The following AGPAT4 variants were observed in gnomAD, a reference collection of about 807,000 sequenced individuals.
AGPAT4 encodes 1-acylglycerol-3-phosphate O-acyltransferase 4.
A neutral mutation model predicts 48.0 loss-of-function variants in AGPAT4; 15 were observed. That is an observed-to-expected ratio of 0.31 (90% CI 0.21 to 0.48). The LOEUF is 0.48. AGPAT4 is among the 20% of genes least tolerant of loss of function. AGPAT4 has a pLI of 0.99. For synonymous variants in AGPAT4, 178 were observed against 198.7 expected (o/e 0.90, Z 0.88); for missense variants, 314 against 482.5 (o/e 0.65, Z 3.27).
intron 2 of AGPAT4, among the ~76,000 whole-genome samples, chr6:161,190,139 A>T (rs1468631442): frequency 1.3e-5 from 2 of 152,224 alleles, no homozygotes; most frequent in Non-Finnish European, 2.9e-5. Context: ...GAAGGGAGGG[A>T]TGAATAAGGA....
In AGPAT4 at chr6:161,161,897, G is replaced by A. The variant is rs2114975317; in HGVS notation, c.348+4351C>T. 1 of 208,320 alleles carries A rather than the reference G, an allele frequency of 4.8e-6. No individual in the cohort carries two copies. The allele number at this position is 208,320 out of a possible 1,614,324, so 12.9% of individuals were successfully genotyped here. ...TCACGCACAGGCACTCTGCCTAGGAGGGATAATGCCACTCTCCTCCTCTCA... is the reference window on the plus strand; with the variant it reads ...TCACGCACAGGCACTCTGCCTAGGAAGGATAATGCCACTCTCCTCCTCTCA... On this transcript the variant is annotated intron_variant, in intron 3 of 8. Transcript: ENST00000320285. The surrounding 1 kb of genome is among the most constrained non-coding windows in gnomAD (Gnocchi z 4.6).
In AGPAT4 at chr6:161,130,127, G is replaced by A. The variant is rs1186810268; in HGVS notation, c.*6413C>T. ...CATGACAGAGCGACAGTACCCTAGGGTGACATGACAGCCCATATATCAGTT... is the reference window on the plus strand; with the variant it reads ...CATGACAGAGCGACAGTACCCTAGGATGACATGACAGCCCATATATCAGTT... On this transcript the variant is annotated 3_prime_UTR_variant, in exon 9 of 9. Transcript: ENST00000320285. 1 of 152,124 alleles carries A rather than the reference G, an allele frequency of 6.6e-6. No homozygotes were observed. The highest frequency in any genetic ancestry group is 1.5e-5 in the Non-Finnish European group (1 of 68,058). 9.4% of individuals were successfully genotyped at this position (152,124 alleles called of 1,614,324 possible).
Position 161,235,167 on chromosome 6 carries a change from G to A in AGPAT4, c.-89-2865C>T, listed in dbSNP as rs1005905987. Among the ~76,000 whole-genome samples the A allele has an allele frequency of 2.0e-5, 3 of 152,072 alleles. No homozygotes were observed. The highest frequency in any genetic ancestry group is 4.4e-5 in the Non-Finnish European group (3 of 68,012). On this transcript the variant is annotated intron_variant, in intron 1 of 8. Coordinates refer to ENST00000320285, the MANE Select transcript of AGPAT4 (RefSeq NM_020133.3). This position sits in a 1 kb window ranked among gnomAD's most constrained non-coding sequence, Gnocchi z 6.2. Reference sequence around the variant, plus strand: ...CTCTGCCCTGTCTCTTATTAGTTGTGTATTGGTACCCTATTTTGGGCACAT... The same window carrying A: ...CTCTGCCCTGTCTCTTATTAGTTGTATATTGGTACCCTATTTTGGGCACAT...
In AGPAT4 at chr6:161,249,321, T is replaced by C. The variant is rs542563076; in HGVS notation, c.-89-17019A>G. 7.8e-4 allele frequency among the ~76,000 whole-genome samples: 119 copies of C among 152,206 alleles called. No homozygotes were observed. The highest frequency in any genetic ancestry group is 8.5e-4 in the Non-Finnish European group (58 of 67,984). ...AAAGCAAAAATTGACAAATGGGATG[T>C]AATTAAACTAAAGAGCTTCTACACA... On this transcript the variant is annotated intron_variant, in intron 1 of 8. Coordinates refer to ENST00000320285, the MANE Select transcript of AGPAT4 (RefSeq NM_020133.3). The surrounding 1 kb of genome is among the most constrained non-coding windows in gnomAD (Gnocchi z 6.2).
rs1447474290 is a variant in AGPAT4, at chr6:161,231,461, T to C, written c.178+575A>G. Among the ~76,000 whole-genome samples the C allele has an allele frequency of 6.6e-6, 1 of 151,546 alleles. No homozygotes were observed. The highest frequency in any genetic ancestry group is 1.5e-5 in the Non-Finnish European group (1 of 68,046). ...CAATGTCAATTTTCTCATTGGAATA[T>C]GCTATTCCAGTGGTGCAAGATGCTA... On this transcript the variant is annotated intron_variant, in intron 2 of 8. Coordinates refer to ENST00000320285, the MANE Select transcript of AGPAT4 (RefSeq NM_020133.3). The surrounding 1 kb of genome is among the most constrained non-coding windows in gnomAD (Gnocchi z 5.3).
rs1255489542 is a variant in AGPAT4, at chr6:161,140,810, T to C, written c.844-1190A>G. On this transcript the variant is annotated intron_variant, in intron 7 of 8. Transcript: ENST00000320285. This position sits in a 1 kb window ranked among gnomAD's most constrained non-coding sequence, Gnocchi z 6.5. ...GCCACAGGGAATTGCCCAGGTTGTA[T>C]GGTGGGCAGCTGCCTCAGCTATTGT... Among the ~76,000 whole-genome samples, 1 of 152,188 alleles carries C rather than the reference T, an allele frequency of 6.6e-6. No homozygotes were observed. The highest frequency in any genetic ancestry group is 1.5e-5 in the Non-Finnish European group (1 of 68,038).
rs1235652965 is a variant in AGPAT4, at chr6:161,214,223, C to G, written c.178+17813G>C. Among the ~76,000 whole-genome samples the G allele has an allele frequency of 6.6e-6, 1 of 152,160 alleles. No individual in the cohort carries two copies. Among genetic ancestry groups the G allele is most frequent in the African/African-American group, 2.4e-5 (1 of 41,440 alleles). The stretch of plus-strand genomic sequence containing the variant: ...ATGTTACATCTGTTGATTGATGTCT[C>G]GTGTCTCTCTAAAATGTATAAAACC... On this transcript the variant is annotated intron_variant, in intron 2 of 8. Transcript: ENST00000320285. This position sits in a 1 kb window ranked among gnomAD's most constrained non-coding sequence, Gnocchi z 5.4.
In AGPAT4 at chr6:161,211,660, T is replaced by C. The variant is rs117612826; in HGVS notation, c.178+20376A>G. Among the ~76,000 whole-genome samples the C allele has an allele frequency of 4.5e-3, 692 of 152,326 alleles. 3 individuals carry two copies. Among genetic ancestry groups the C allele is most frequent in the Non-Finnish European group, 7.6e-3 (519 of 68,012 alleles). ...AAACGTTTATATGATCAAGTTGTCATATTATTATTAAGTTTGGTTTACTTA... is the reference window on the plus strand; with the variant it reads ...AAACGTTTATATGATCAAGTTGTCACATTATTATTAAGTTTGGTTTACTTA... On this transcript the variant is annotated intron_variant, in intron 2 of 8. Coordinates refer to ENST00000320285, the MANE Select transcript of AGPAT4 (RefSeq NM_020133.3).
chr6:161,131,632 C>CA lies in AGPAT4; in HGVS notation c.*4907dup, dbSNP rs1204618192. On this transcript the variant is annotated 3_prime_UTR_variant, in exon 9 of 9. Transcript: ENST00000320285. ...GAGCTCAGGAGCCCATCCCTGTGCT[C>CA]AGAGAGATGGGACTCCAATGAGGAG... The CA allele has an allele frequency of 1.3e-5, 2 of 152,154 alleles. No homozygotes were observed. Among genetic ancestry groups the CA allele is most frequent in the Non-Finnish European group, 2.9e-5 (2 of 68,040 alleles). 9.4% of individuals were successfully genotyped at this position (152,154 alleles called of 1,614,324 possible).
chr6:161,227,588 G>A (rs946765443), intron 2 of AGPAT4, among the ~76,000 whole-genome samples: 1 of 152,184 alleles, frequency 6.6e-6, no homozygotes, highest in Non-Finnish European at 1.5e-5. Context: ...CCTTGCTGCC[G>A]CTGTTCCTGA....
chr6:161,137,016 T>C lies in AGPAT4; in HGVS notation c.1043-382A>G, dbSNP rs1779089352. The stretch of plus-strand genomic sequence containing the variant: ...ACAGGGCATGTTCAGCGAAGTTTTA[T>C]AAAGAACAGACCAGGAGCCTGGAAG... On this transcript the variant is annotated intron_variant, in intron 8 of 8. Coordinates refer to ENST00000320285, the MANE Select transcript of AGPAT4 (RefSeq NM_020133.3). This position sits in a 1 kb window ranked among gnomAD's most constrained non-coding sequence, Gnocchi z 6.1. Among the ~76,000 whole-genome samples the C allele has an allele frequency of 6.6e-6, 1 of 152,198 alleles. No homozygotes were observed.
In AGPAT4 at chr6:161,225,956, C is replaced by T. The variant is rs1047504810; in HGVS notation, c.178+6080G>A. On this transcript the variant is annotated intron_variant, in intron 2 of 8. Transcript: ENST00000320285. This position sits in a 1 kb window ranked among gnomAD's most constrained non-coding sequence, Gnocchi z 5.0. The stretch of plus-strand genomic sequence containing the variant: ...AAATTCCTTTCCATCCGACTTGACT[C>T]GCCAAAGCCACTGTTGTTCAGCTAC... Among the ~76,000 whole-genome samples the T allele has an allele frequency of 9.2e-5, 14 of 152,120 alleles. No homozygotes were observed. Among genetic ancestry groups the T allele is most frequent in the African/African-American group, 2.4e-4 (10 of 41,422 alleles).
In AGPAT4 at chr6:161,206,077, A is replaced by G. The variant is rs919407383; in HGVS notation, c.178+25959T>C. Among the ~76,000 whole-genome samples, 6 of 152,128 alleles carry G rather than the reference A, an allele frequency of 3.9e-5. No homozygotes were observed. The highest frequency in any genetic ancestry group is 8.8e-5 in the Non-Finnish European group (6 of 68,036). On this transcript the variant is annotated intron_variant, in intron 2 of 8. Coordinates refer to ENST00000320285, the MANE Select transcript of AGPAT4 (RefSeq NM_020133.3). This position sits in a 1 kb window ranked among gnomAD's most constrained non-coding sequence, Gnocchi z 4.8. Reference sequence around the variant, plus strand: ...TTTCAAGCCCGTGCGATGTAGACAAAAAAAGCCCCAAGAAAAGCCTGCTCC... The same window carrying G: ...TTTCAAGCCCGTGCGATGTAGACAAGAAAAGCCCCAAGAAAAGCCTGCTCC...
intron 3 of AGPAT4, chr6:161,160,858 C>T (rs1466398401): frequency 1.3e-5 from 5 of 387,810 alleles, no homozygotes; most frequent in African/African-American, 6.2e-5. Context: ...AGAGCAGAGG[C>T]GTTACAGGGG....
At chr6:161,168,133 G>C (rs576735471) in intron 2 of AGPAT4, among the ~76,000 whole-genome samples, 3 of 152,014 alleles carry the variant, frequency 2.0e-5, no homozygotes, top group Admixed American at 2.0e-4. Flanking sequence ...GTGGTGGGGT[G>C]GGGGGCTAGG....
In AGPAT4 at chr6:161,164,055, G is replaced by C. The variant is rs886397380; in HGVS notation, c.348+2193C>G. On this transcript the variant is annotated intron_variant, in intron 3 of 8. Transcript: ENST00000320285. The surrounding 1 kb of genome is among the most constrained non-coding windows in gnomAD (Gnocchi z 7.4). The stretch of plus-strand genomic sequence containing the variant: ...GGGGAGGTGCGGTCCCTATGCTGCA[G>C]GTGGGATGGGCGTGCTGTTGACTTG... 2.6e-5 allele frequency among the ~76,000 whole-genome samples: 4 copies of C among 152,208 alleles called. No individual in the cohort carries two copies. Among genetic ancestry groups the C allele is most frequent in the Non-Finnish European group, 5.9e-5 (4 of 68,038 alleles).
At chr6:161,199,263 C>T (rs1159968142) in intron 2 of AGPAT4, among the ~76,000 whole-genome samples, 1 of 152,212 alleles carries the variant, frequency 6.6e-6, no homozygotes, top group African/African-American at 2.4e-5. Flanking sequence ...CACATCTTGT[C>T]ATGCCCGCCC....
chr6:161,219,872 T>TAGATAGATAGATAGATAGGC lies in AGPAT4; in HGVS notation c.178+12163_178+12164insGCCTATCTATCTATCTATCT, dbSNP rs1375144242. Among the ~76,000 whole-genome samples the TAGATAGATAGATAGATAGGC allele has an allele frequency of 6.6e-5, 8 of 121,230 alleles. No homozygotes were observed. The highest frequency in any genetic ancestry group is 2.4e-4 in the East Asian group (1 of 4,212). 79.5% of individuals were successfully genotyped at this position (121,230 alleles called of 152,430 possible). A position where few individuals can be genotyped will look rare whatever the true frequency, so the allele number is the denominator to read the frequency against. ...ATAGATAGATAGATAGATAGATAGA[T>TAGATAGATAGATAGATAGGC]AGGCAGGCAGGCAGGCAGGCAGGCA... On this transcript the variant is annotated intron_variant, in intron 2 of 8. Coordinates refer to ENST00000320285, the MANE Select transcript of AGPAT4 (RefSeq NM_020133.3). This position sits in a 1 kb window ranked among gnomAD's most constrained non-coding sequence, Gnocchi z 4.9.
rs1397389868 is a variant in AGPAT4, at chr6:161,234,633, T to C, written c.-89-2331A>G. 6.6e-6 allele frequency among the ~76,000 whole-genome samples: 1 copy of C among 152,162 alleles called. No individual in the cohort carries two copies. The highest frequency in any genetic ancestry group is 1.9e-4 in the East Asian group (1 of 5,180). ...GTAACAGTTTGATGTTGAATATTCA[T>C]GCAATTTGTTCATTGTCCCCGGATT... is the stretch of plus-strand genomic sequence containing the variant. On this transcript the variant is annotated intron_variant, in intron 1 of 8. Coordinates refer to ENST00000320285, the MANE Select transcript of AGPAT4 (RefSeq NM_020133.3). The surrounding 1 kb of genome is among the most constrained non-coding windows in gnomAD (Gnocchi z 4.4).
Sources: allele counts gnomAD v4.1 joint callset (sites outside exome capture counted in the v4.1 genomes callset), GRCh38; gene constraint gnomAD v4.1.1; non-coding constraint Gnocchi (gnomAD v3.1); transcripts MANE v1.5; gene names NCBI Gene and HGNC (gene_info 2026-07-23, HGNC 2026-07-21).